Variants in NBAS observed in about 807,000 individuals in gnomAD.
NBAS encodes the protein NAG/BC035112 fusion.
In NBAS, 219 loss-of-function variants were observed where a neutral mutation model predicts 302.5. That is an observed-to-expected ratio of 0.72 (90% confidence interval 0.65 to 0.81). The LOEUF is 0.81. Ranked by LOEUF, NBAS falls within the 30% of genes least tolerant of loss-of-function variation. NBAS has a pLI of 0.00. For synonymous variants in NBAS, 1,118 were observed against 1,021.6 expected, an observed-to-expected ratio of 1.09 and a Z score of -1.80; for missense variants, 2,932 against 2,841.6, an observed-to-expected ratio of 1.03 and a Z score of -0.72.
chr2:15,153,485 C>G, the NBAS span, among the ~76,000 whole-genome samples: 1 of 152,204 alleles, frequency 6.6e-6, no homozygotes, highest in Non-Finnish European at 1.5e-5. Flanking sequence ...AGCTGTTCAA[C>G]AATGCAATGA....
At chr2:14,939,254 C>T in the NBAS span, among the ~76,000 whole-genome samples, 2 of 152,244 alleles carry the variant, frequency 1.3e-5, no homozygotes, top group Admixed American at 6.5e-5. Flanking sequence ...TTACATGTAG[C>T]TTCTGTTCCT....
the NBAS span, among the ~76,000 whole-genome samples, chr2:15,151,369 T>C: frequency 1.3e-5 from 2 of 152,192 alleles, no homozygotes; most frequent in African/African-American, 4.8e-5. Context: ...CACAAACCCA[T>C]CTAAATGGGC....
chr2:15,546,394 T>A (rs7566933), intron 6 of NBAS, among the ~76,000 whole-genome samples: 9,457 of 152,250 alleles, frequency 0.062, 918 homozygotes, highest in African/African-American at 0.21. Flanking sequence ...AATCTGAGGA[T>A]CCTGAATCAC....
chr2:15,243,384 CA>C (rs1667948518), intron 44 of NBAS, among the ~76,000 whole-genome samples: 1 of 151,988 alleles, frequency 6.6e-6, no homozygotes, highest in Non-Finnish European at 1.5e-5. Flanking sequence ...GGTGCCAATA[CA>C]AAATGATGGG....
chr2:15,249,178 G>A (rs948388917), intron 44 of NBAS, among the ~76,000 whole-genome samples: 5 of 151,912 alleles, frequency 3.3e-5, no homozygotes, highest in South Asian at 2.1e-4. Context: ...ATCAATAAAC[G>A]TAATCTATCA....
chr2:15,530,752 G>A lies in NBAS; in HGVS notation c.746+3791C>T, dbSNP rs576396605. ...AATTAAAAGAAAAAAAAATGAAGAG[G>A]AAATAATCCAAGAAATAATTCAAAG... On this transcript the variant is annotated intron_variant, in intron 9 of 51. Coordinates refer to ENST00000281513, the MANE Select transcript of NBAS (RefSeq NM_015909.4). 1.3e-4 allele frequency among the ~76,000 whole-genome samples: 19 copies of A among 151,366 alleles called. No individual in the cohort carries two copies. In the East Asian group the frequency reaches 3.5e-3, roughly 28 times the overall value.
At chr2:15,234,429 C>G (rs1667502623) in intron 46 of NBAS, 116 bp downstream of exon 46, 4 of 1,068,200 alleles carry the variant, frequency 3.7e-6, no homozygotes, top group African/African-American at 1.6e-5. Context: ...TAATCTCTCA[C>G]TTTTGTAAAG....
the NBAS span, among the ~76,000 whole-genome samples, chr2:15,065,766 C>T: frequency 6.6e-6 from 1 of 151,940 alleles, no homozygotes; most frequent in Non-Finnish European, 1.5e-5. Context: ...TGGAAAGATG[C>T]TACATGTTTA....
At chr2:15,480,431 T>C (rs1268973956) in intron 12 of NBAS, among the ~76,000 whole-genome samples, 6 of 149,766 alleles carry the variant, frequency 4.0e-5, no homozygotes, top group African/African-American at 1.5e-4. Context: ...AGAGAGCTAA[T>C]AAATTAATAT....
At chr2:15,095,710 C>T in the NBAS span, among the ~76,000 whole-genome samples, 1 of 152,184 alleles carries the variant, frequency 6.6e-6, no homozygotes, top group African/African-American at 2.4e-5. Context: ...ACCAACGCCC[C>T]TCTTACTCCC....
At chr2:14,973,330 T>C in the NBAS span, among the ~76,000 whole-genome samples, 1 of 152,198 alleles carries the variant, frequency 6.6e-6, no homozygotes, top group Non-Finnish European at 1.5e-5. Flanking sequence ...GCAACTGCTT[T>C]TGAATTATGG....
At chr2:15,073,091 T>A in the NBAS span, among the ~76,000 whole-genome samples, 1 of 152,122 alleles carries the variant, frequency 6.6e-6, no homozygotes, top group Admixed American at 6.6e-5. Context: ...ACTGCTGCAC[T>A]CCAGCCTGGG....
At chr2:15,351,675 G>GA (rs1055688077) in intron 35 of NBAS, among the ~76,000 whole-genome samples, 2 of 151,626 alleles carry the variant, frequency 1.3e-5, no homozygotes, top group South Asian at 2.1e-4. Context: ...AGACTCCATA[G>GA]AAAAAAAAGG....
chr2:15,474,144 G>A lies in NBAS; in HGVS notation c.1522C>T (p.Arg508Cys), dbSNP rs367964914. 3.3e-5 allele frequency: 54 copies of A among 1,614,000 alleles called. No individual in the cohort carries two copies. Among genetic ancestry groups the A allele is most frequent in the South Asian group, 3.2e-4 (29 of 91,086 alleles). Residue 508 changes from arginine (R) to cysteine (C), a missense_variant, in exon 15 of 52, where the codon CGC becomes TGC. Physicochemically the swap from Arg to Cys is radical, Grantham distance 180. Transcript: ENST00000281513. ...TAGTTTTTAGTAATGGTTCGTGGGC[G>A]TTTCCGTGGTGGTGCAAATCGCTCC... ...EMERFAPPRK[R>C]PRTITKNYRL...
At chr2:14,929,526 C>A in the NBAS span, among the ~76,000 whole-genome samples, 1 of 152,060 alleles carries the variant, frequency 6.6e-6, no homozygotes, top group Admixed American at 6.5e-5. Flanking sequence ...TACAGGCGTG[C>A]GCCACCACAC....
chr2:15,275,772 T>C lies in NBAS; in HGVS notation c.5436A>G (p.Glu1812=). The C allele has an allele frequency of 1.2e-6, 2 of 1,614,122 alleles. No individual in the cohort carries two copies. Among genetic ancestry groups the C allele is most frequent in the Non-Finnish European group, 1.7e-6 (2 of 1,180,026 alleles). ...GACTTGAAAGAACTGGCTCCAATGC[T>C]TCAAGAGGACTCATGTTTTCATCTG... ...KLTDENMSPL[E]ALEPVLSSQN... Residue 1812 remains glutamate (E), a synonymous_variant, in exon 44 of 52, where the codon GAA becomes GAG. Coordinates refer to ENST00000281513, the MANE Select transcript of NBAS (RefSeq NM_015909.4).
chr2:15,511,003 A>G (rs182515089), intron 10 of NBAS, among the ~76,000 whole-genome samples: 2 of 152,354 alleles, frequency 1.3e-5, no homozygotes, highest in Admixed American at 6.5e-5. Flanking sequence ...TGAAAATGTC[A>G]CTACTAAAAA....
rs75814423 is a variant in NBAS at position 15,220,577 on chromosome 2, T to C, written c.6237-1609A>G. ...AAAATGATTCAGAAAAGGGGACAGT[T>C]TGTACAATGTTCTATCTCATACTGG... On this transcript the variant is annotated intron_variant, in intron 47 of 51. Transcript: ENST00000281513. Among the ~76,000 whole-genome samples the C allele has an allele frequency of 7.9e-5, 12 of 152,324 alleles. No homozygotes were observed. The East Asian group carries it at 2.3e-3, about 29-fold the overall frequency.
At chr2:15,308,070 A>G in intron 40 of NBAS, 146 bp downstream of exon 40, 1 of 1,198,486 alleles carries the variant, frequency 8.3e-7, no homozygotes, top group Admixed American at 2.1e-5. Context: ...TTTGTCGAAT[A>G]CAGGAAAGCC....
Sources: gnomAD v4.1 joint callset for allele counts (sites outside exome capture counted in the v4.1 genomes callset) on GRCh38, gnomAD v4.1.1 for gene constraint, MANE v1.5 for transcripts, NCBI Gene and HGNC (gene_info 2026-07-23, HGNC 2026-07-21) for gene names.